Variants in ADARB1 observed in about 807,000 individuals in gnomAD.
ADARB1 encodes the protein double-stranded RNA-specific editase 1.
ADARB1 carries 10 observed loss-of-function variants against 52.4 expected under a neutral mutation model. The ratio of observed to expected loss-of-function variants is 0.19; its 90% confidence interval spans 0.12 to 0.32. ADARB1 has a LOEUF of 0.32. Ranked by LOEUF, ADARB1 falls within the 10% of genes least tolerant of loss-of-function variation. ADARB1 has a pLI of 1.00. For missense variants in ADARB1, 643 were observed against 922.3 expected, an observed-to-expected ratio of 0.70 and a Z score of 3.92; for synonymous variants, 349 against 371.1, an observed-to-expected ratio of 0.94 and a Z score of 0.68.
At chr21:45,076,405 A>G (rs890983654) in intron 1 of ADARB1, among the ~76,000 whole-genome samples, 1 of 152,210 alleles carries the variant, frequency 6.6e-6, no homozygotes, top group East Asian at 1.9e-4. Flanking sequence ...TCTGAAAGGA[A>G]TGCATTGTCT....
At chr21:45,218,792 A>G (rs929068137) in intron 9 of ADARB1, among the ~76,000 whole-genome samples, 2 of 152,190 alleles carry the variant, frequency 1.3e-5, no homozygotes, top group Non-Finnish European at 2.9e-5. Context: ...AGTTGTACTG[A>G]GTCATCTGAG....
At chr21:45,175,467 ATTTTACT>A (rs1328896548) in intron 3 of ADARB1, among the ~76,000 whole-genome samples, 1 of 152,184 alleles carries the variant, frequency 6.6e-6, no homozygotes, top group East Asian at 1.9e-4. Context: ...TTATTTAAAG[ATTTTACT>A]TTTTAAAGCA....
chr21:45,205,158 G>A (rs2146352711), intron 9 of ADARB1, among the ~76,000 whole-genome samples: 1 of 152,266 alleles, frequency 6.6e-6, no homozygotes, highest in African/African-American at 2.4e-5. Flanking sequence ...CTACTTGGGA[G>A]GCTGAGGTGG....
intron 1 of ADARB1, among the ~76,000 whole-genome samples, chr21:45,082,245 G>T (rs986611712): frequency 1.6e-4 from 24 of 152,128 alleles, no homozygotes; most frequent in African/African-American, 1.2e-4. Flanking sequence ...ATATTTGTTT[G>T]TATAGATACC....
At chr21:45,110,721 T>A (rs1429713993) in intron 1 of ADARB1, among the ~76,000 whole-genome samples, 1 of 152,208 alleles carries the variant, frequency 6.6e-6, no homozygotes, top group East Asian at 1.9e-4. Flanking sequence ...TTATTTTGAT[T>A]GGGTAATTAG....
At chr21:45,076,266 G>A (rs1456293894) in intron 1 of ADARB1, among the ~76,000 whole-genome samples, 2 of 152,206 alleles carry the variant, frequency 1.3e-5, no homozygotes, top group Admixed American at 6.5e-5. Flanking sequence ...CTCATTGCGC[G>A]GTTCCTCCGG....
At chr21:45,135,919 G>A (rs1375650920) in intron 2 of ADARB1, among the ~76,000 whole-genome samples, 1 of 152,132 alleles carries the variant, frequency 6.6e-6, no homozygotes, top group Non-Finnish European at 1.5e-5. Flanking sequence ...GTGCTGTCCT[G>A]AAAATCTGAC....
chr21:45,212,846 TGAAA>T (rs1173510523), intron 9 of ADARB1, among the ~76,000 whole-genome samples: 3 of 152,062 alleles, frequency 2.0e-5, no homozygotes, highest in Non-Finnish European at 4.4e-5. Flanking sequence ...ACAGAACAAC[TGAAA>T]GAAACAATTT....
intron 1 of ADARB1, among the ~76,000 whole-genome samples, chr21:45,114,539 G>A (rs775782021): frequency 3.9e-5 from 6 of 152,162 alleles, no homozygotes; most frequent in Non-Finnish European, 7.3e-5. Context: ...TTAAAGGTCC[G>A]ACTATACTGA....
At chr21:45,113,497 A>ATG (rs35666010) in intron 1 of ADARB1, among the ~76,000 whole-genome samples, 4,787 of 146,304 alleles carry the variant, frequency 0.033, 74 homozygotes, top group South Asian at 0.049. Context: ...GTGTGTATAT[A>ATG]TGTGTGTGTG....
At chr21:45,179,084 C>T (rs1194445533) in intron 4 of ADARB1, among the ~76,000 whole-genome samples, 1 of 152,178 alleles carries the variant, frequency 6.6e-6, no homozygotes, top group Non-Finnish European at 1.5e-5. Flanking sequence ...CCCTTTCCCT[C>T]TGGCACCCTG....
rs553549312 is a variant in ADARB1, at chr21:45,208,042, G to C, written c.1747+3306G>C. On this transcript the variant is annotated intron_variant, in intron 9 of 10. Transcript: ENST00000348831. The surrounding 1 kb of genome is among the most constrained non-coding windows in gnomAD (Gnocchi z 5.6). Reference sequence around the variant, plus strand: ...TATACACACTTGGTACCCTTGCTTAGCACTGTGGAAGAGGAAGTCTCTCGA... The same window carrying C: ...TATACACACTTGGTACCCTTGCTTACCACTGTGGAAGAGGAAGTCTCTCGA... Among the ~76,000 whole-genome samples the C allele has an allele frequency of 5.9e-5, 9 of 152,326 alleles. No individual in the cohort carries two copies. Among genetic ancestry groups the C allele is most frequent in the East Asian group, 1.9e-4 (1 of 5,182 alleles).
intron 1 of ADARB1, among the ~76,000 whole-genome samples, chr21:45,078,470 C>T (rs2086029403): frequency 6.6e-6 from 1 of 152,126 alleles, no homozygotes; most frequent in South Asian, 2.1e-4. Context: ...CTTCAAAGGG[C>T]AAATGAGGCA....
chr21:45,104,366 AAG>A (rs2087157137), intron 1 of ADARB1, among the ~76,000 whole-genome samples: 1 of 151,996 alleles, frequency 6.6e-6, no homozygotes, highest in Non-Finnish European at 1.5e-5. Context: ...ATTGTCAGGG[AAG>A]AGAGGCTGTT....
chr21:45,174,883 A>T (rs935459403), intron 3 of ADARB1, among the ~76,000 whole-genome samples: 1 of 152,224 alleles, frequency 6.6e-6, no homozygotes, highest in Non-Finnish European at 1.5e-5. Flanking sequence ...TAATTGTTTT[A>T]AAAAAGACAA....
intron 1 of ADARB1, among the ~76,000 whole-genome samples, chr21:45,088,229 C>G (rs1443814878): frequency 6.6e-6 from 1 of 152,172 alleles, no homozygotes; most frequent in East Asian, 1.9e-4. Flanking sequence ...TGACCTCCAG[C>G]AACAGGGAGC....
At chr21:45,084,720 A>G (rs1316081746) in intron 1 of ADARB1, among the ~76,000 whole-genome samples, 1 of 152,198 alleles carries the variant, frequency 6.6e-6, no homozygotes, top group Admixed American at 6.5e-5. Flanking sequence ...TAACATATAT[A>G]TCAGTCAGGC....
chr21:45,080,716 C>A (rs2086119967), intron 1 of ADARB1, among the ~76,000 whole-genome samples: 1 of 152,114 alleles, frequency 6.6e-6, no homozygotes, highest in Admixed American at 6.5e-5. Context: ...GAGGTTGGCA[C>A]CTTTATTCAC....
At chr21:45,127,920 G>C (rs2088691709) in intron 1 of ADARB1, among the ~76,000 whole-genome samples, 1 of 152,178 alleles carries the variant, frequency 6.6e-6, no homozygotes, top group South Asian at 2.1e-4. Context: ...AAACTAGATG[G>C]AGATACTGTT....
Sources: allele counts gnomAD v4.1 joint callset (sites outside exome capture counted in the v4.1 genomes callset), GRCh38; gene constraint gnomAD v4.1.1; non-coding constraint Gnocchi (gnomAD v3.1); transcripts MANE v1.5; gene names NCBI Gene and HGNC (gene_info 2026-07-23, HGNC 2026-07-21).